Variants in ATP8A1 observed in about 807,000 individuals in gnomAD.
ATP8A1 encodes ATPase phospholipid transporting 8A1, also known as phospholipid-transporting ATPase IA.
In ATP8A1, 90 loss-of-function variants were observed where a neutral mutation model predicts 177.7. The ratio of observed to expected loss-of-function variants is 0.51; its 90% CI spans 0.43 to 0.60. The LOEUF (loss-of-function observed/expected upper bound fraction) is 0.60. Ranked by LOEUF, ATP8A1 falls within the 20% of genes least tolerant of loss-of-function variation. The pLI is 0.00. For synonymous variants in ATP8A1, 493 were observed against 485.9 expected (o/e 1.01, Z -0.19); for missense variants, 1,072 against 1,392.8 (o/e 0.77, Z 3.67).
intron 16 of ATP8A1, among the ~76,000 whole-genome samples, chr4:42,554,024 T>C (rs1373334071): frequency 6.6e-6 from 1 of 152,020 alleles, no homozygotes; most frequent in Non-Finnish European, 1.5e-5. Context: ...GAGCTCAAAG[T>C]GAGGGTGACA....
At chr4:42,557,829 G>GGTC (rs1444845239) in intron 15 of ATP8A1, among the ~76,000 whole-genome samples, 1 of 152,076 alleles carries the variant, frequency 6.6e-6, no homozygotes, top group Non-Finnish European at 1.5e-5. Flanking sequence ...GATCACCTGA[G>GGTC]GTCAGGAGTT....
chr4:42,462,987 G>C (rs200072286), intron 27 of ATP8A1, among the ~76,000 whole-genome samples: 1 of 152,184 alleles, frequency 6.6e-6, no homozygotes, highest in Admixed American at 6.5e-5. Context: ...ACTTGGAGTA[G>C]CTGTATTTAC....
At chr4:42,581,862 C>T (rs1733118774) in intron 9 of ATP8A1, 130 bp from the exon 10 acceptor site, 1 of 661,636 alleles carries the variant, frequency 1.5e-6, no homozygotes, top group South Asian at 1.9e-5. Flanking sequence ...AAAGTAATTT[C>T]CCCCCAGTAC....
intron 29 of ATP8A1, among the ~76,000 whole-genome samples, chr4:42,454,590 A>C (rs1718275462): frequency 6.6e-6 from 1 of 152,218 alleles, no homozygotes; most frequent in Non-Finnish European, 1.5e-5. Context: ...AAGAAATTGA[A>C]TTATTAACAA....
Position 42,410,116 on chromosome 4 carries a change from A to G in ATP8A1, c.*2800T>C, listed in dbSNP as rs1712419033. ...ATTTAAAATTTACAACGTTCCTGAGAAACACTGTTTTCCTAATAATATCTA... is the reference window on the plus strand; with the variant it reads ...ATTTAAAATTTACAACGTTCCTGAGGAACACTGTTTTCCTAATAATATCTA... On this transcript the variant is annotated 3_prime_UTR_variant, in exon 37 of 37. Coordinates refer to ENST00000381668, the MANE Select transcript of ATP8A1 (RefSeq NM_006095.2). 6.6e-6 allele frequency: 1 copy of G among 152,164 alleles called. No individual in the cohort carries two copies. The highest frequency in any genetic ancestry group is 2.1e-4 in the South Asian group (1 of 4,838). The allele number at this position is 152,164 out of a possible 1,614,324, so 9.4% of individuals were successfully genotyped here. A position where few individuals can be genotyped will look rare whatever the true frequency, so the allele number is the denominator to read the frequency against.
At chr4:42,474,645 G>A (rs972153892) in intron 25 of ATP8A1, among the ~76,000 whole-genome samples, 1 of 152,068 alleles carries the variant, frequency 6.6e-6, no homozygotes, top group Non-Finnish European at 1.5e-5. Flanking sequence ...CACCTCACAC[G>A]GGGAATTCCA....
intron 6 of ATP8A1, among the ~76,000 whole-genome samples, chr4:42,593,841 TTTCA>T (rs1219705003): frequency 2.0e-5 from 3 of 152,040 alleles, no homozygotes; most frequent in African/African-American, 7.2e-5. Context: ...GAGTATGGCA[TTTCA>T]AAAGGCATAA....
intron 33 of ATP8A1, among the ~76,000 whole-genome samples, chr4:42,440,036 A>G (rs1490929377): frequency 6.6e-6 from 1 of 152,170 alleles, no homozygotes. Context: ...TGGTGTGAGG[A>G]TCATGTGAGT....
At chr4:42,654,998 C>T (rs1173723287) in intron 1 of ATP8A1, among the ~76,000 whole-genome samples, 1 of 152,236 alleles carries the variant, frequency 6.6e-6, no homozygotes, top group African/African-American at 2.4e-5. Context: ...TCACCACAGT[C>T]CCAAGCACAT....
rs1712484946 is a variant in ATP8A1 at position 42,410,614 on chromosome 4, G to A, written c.*2302C>T. On this transcript the variant is annotated 3_prime_UTR_variant, in exon 37 of 37. Transcript: ENST00000381668. ...CCCCAAGTCTCACCCAGGAAGCAAA[G>A]AGACTGACAATGTCAATAATTCAAA... 1 of 152,142 alleles carries A rather than the reference G, an allele frequency of 6.6e-6. No individual in the cohort carries two copies. 9.4% of individuals were successfully genotyped at this position (152,142 alleles called of 1,614,324 possible).
At position 42,635,782 on chromosome 4, in the gene ATP8A1, CATATATAT is replaced by C. The variant is rs764452182; in HGVS notation, c.50-8681_50-8674del. ...ACACACACACACACACACACACACA[CATATATAT>C]ATATATATATATATATATATACACA... On this transcript the variant is annotated intron_variant, in intron 1 of 36. Transcript: ENST00000381668. Among the ~76,000 whole-genome samples the C allele has an allele frequency of 4.6e-4, 24 of 51,990 alleles. 1 individual carries two copies. The highest frequency in any genetic ancestry group is 1.7e-3 in the South Asian group (2 of 1,176). The allele number at this position is 51,990 out of a possible 152,430, so 34.1% of individuals were successfully genotyped here.
chr4:42,615,751 T>C (rs1375135195), intron 5 of ATP8A1, among the ~76,000 whole-genome samples: 2 of 152,228 alleles, frequency 1.3e-5, no homozygotes, highest in African/African-American at 4.8e-5. Context: ...TTTAACACTG[T>C]CAAAACAACT....
intron 25 of ATP8A1, chr4:42,471,869 A>G (rs1720455739): frequency 1.6e-6 from 1 of 615,114 alleles, no homozygotes; most frequent in Non-Finnish European, 3.2e-6. Flanking sequence ...ACGAGTTAAG[A>G]GTCCGGCATC....
intron 1 of ATP8A1, among the ~76,000 whole-genome samples, chr4:42,646,691 G>A (rs988596417): frequency 6.6e-6 from 1 of 152,148 alleles, no homozygotes; most frequent in African/African-American, 2.4e-5. Flanking sequence ...GCTGGCTTTG[G>A]CCTTCTTAGT....
At chr4:42,606,073 T>C (rs778573646) in intron 5 of ATP8A1, among the ~76,000 whole-genome samples, 3 of 152,262 alleles carry the variant, frequency 2.0e-5, no homozygotes, top group Non-Finnish European at 4.4e-5. Context: ...CCACTTGGTT[T>C]TCCACTCAAC....
At chr4:42,426,579 TAAACTC>T (rs1714647306) in intron 33 of ATP8A1, among the ~76,000 whole-genome samples, 1 of 152,236 alleles carries the variant, frequency 6.6e-6, no homozygotes, top group African/African-American at 2.4e-5. Context: ...TTGTAGGAAT[TAAACTC>T]AATAATGTTT....
intron 19 of ATP8A1, among the ~76,000 whole-genome samples, chr4:42,547,306 C>T (rs1729028186): frequency 6.6e-6 from 1 of 152,246 alleles, no homozygotes; most frequent in Admixed American, 6.5e-5. Flanking sequence ...AGATATTCCT[C>T]TACAAGGTAC....
intron 33 of ATP8A1, among the ~76,000 whole-genome samples, chr4:42,441,628 T>C (rs781210099): frequency 1.3e-5 from 2 of 152,124 alleles, no homozygotes; most frequent in Non-Finnish European, 2.9e-5. Context: ...ATTGGCATTA[T>C]TGTGAGGCTC....
chr4:42,569,711 C>A (rs1240801648), intron 14 of ATP8A1, among the ~76,000 whole-genome samples: 1 of 152,122 alleles, frequency 6.6e-6, no homozygotes, highest in Non-Finnish European at 1.5e-5. Context: ...ACCTGCATTT[C>A]TATAATTAAA....
Sources: allele counts gnomAD v4.1 joint callset (sites outside exome capture counted in the v4.1 genomes callset), GRCh38; gene constraint gnomAD v4.1.1; transcripts MANE v1.5; gene names NCBI Gene and HGNC (gene_info 2026-07-23, HGNC 2026-07-21).